The following EEF2KMT variants were observed in gnomAD, a reference collection of about 807,000 sequenced individuals.
EEF2KMT encodes the protein protein-lysine N-methyltransferase EEF2KMT.
In EEF2KMT, 30 loss-of-function variants were observed where a neutral mutation model predicts 35.1. The ratio of observed to expected loss-of-function variants is 0.85; its 90% CI spans 0.64 to 1.16. The LOEUF (loss-of-function observed/expected upper bound fraction) is 1.16, where lower values mean the gene tolerates loss of function less well. EEF2KMT is among the 50% of genes most tolerant of loss of function. The pLI is 0.00. For missense variants in EEF2KMT, 499 were observed against 438.2 expected, an observed-to-expected ratio of 1.14 and a Z score of -1.24; for synonymous variants, 190 against 187.7, an observed-to-expected ratio of 1.01 and a Z score of -0.10.
Position 5,090,169 on chromosome 16 carries a change from G to C in EEF2KMT, c.657C>G (p.Pro219=), listed in dbSNP as rs927073440. 3.1e-6 allele frequency: 5 copies of C among 1,611,638 alleles called. No individual in the cohort carries two copies. The highest frequency in any genetic ancestry group is 3.4e-6 in the Non-Finnish European group (4 of 1,179,860). The change falls in exon 6 of 8, where the codon CCC becomes CCG. Residue 219 remains proline, a synonymous_variant. Coordinates refer to ENST00000427587, the MANE Select transcript of EEF2KMT (RefSeq NM_201400.4). This position sits in a 1 kb window ranked among gnomAD's most constrained non-coding sequence, Gnocchi z 4.1. ...EADITAKLDS[P]RVTVAQLDWD... Reference sequence around the variant, plus strand: ...AGTCCAGCTGGGCCACTGTCACCCTGGGGCTGTCTAACTTGGCAGTGATGT... The same window carrying C: ...AGTCCAGCTGGGCCACTGTCACCCTCGGGCTGTCTAACTTGGCAGTGATGT...
chr16:5,097,744 T>C lies in EEF2KMT; in HGVS notation c.-5A>G, dbSNP rs1484166951. On this transcript the variant is annotated 5_prime_UTR_variant, in exon 1 of 8. Coordinates refer to ENST00000427587, the MANE Select transcript of EEF2KMT (RefSeq NM_201400.4). ...CGCGTTCTCCTCGGGCGCCATGACG[T>C]GGGCGGGGCCGCAGCGTTGCCGGCA... 1.9e-6 allele frequency: 3 copies of C among 1,555,086 alleles called. No homozygotes were observed. Among genetic ancestry groups the C allele is most frequent in the Non-Finnish European group, 2.6e-6 (3 of 1,156,084 alleles).
intron 4 of EEF2KMT, among the ~76,000 whole-genome samples, chr16:5,091,151 G>C (rs190875210): frequency 6.6e-6 from 1 of 152,214 alleles, no homozygotes; most frequent in East Asian, 1.9e-4. Context: ...GCATGATCTT[G>C]GCTCACTACA....
In EEF2KMT at chr16:5,097,684, C is replaced by G. The variant is rs1469779081; in HGVS notation, c.56G>C (p.Arg19Pro). 3.2e-6 allele frequency: 5 copies of G among 1,580,336 alleles called. No individual in the cohort carries two copies. Among genetic ancestry groups the G allele is most frequent in the Non-Finnish European group, 4.3e-6 (5 of 1,168,738 alleles). The change falls in exon 1 of 8, where the codon CGC becomes CCC. Residue 19 changes from arginine to proline, a missense_variant. Physicochemically the swap from Arg to Pro is moderately radical, Grantham distance 103. Transcript: ENST00000427587. ...TELLLQSFER[R>P]FLAARTLRSF... is the part of the protein sequence containing the mutation. ...GCGCAGTGTGCGTGCCGCCAGGAAG[C>G]GGCGCTCGAAACTCTGCAGCAAGAG...
In EEF2KMT at chr16:5,093,504, GAA is replaced by G. The variant is rs765111880; in HGVS notation, c.218_219del (p.Phe73SerfsTer21). 2 of 1,612,024 alleles carry G rather than the reference GAA, an allele frequency of 1.2e-6. No individual in the cohort carries two copies. The highest frequency in any genetic ancestry group is 1.7e-6 in the Non-Finnish European group (2 of 1,179,850). On this transcript the variant is annotated frameshift_variant, in exon 3 of 8. Coordinates refer to ENST00000427587, the MANE Select transcript of EEF2KMT (RefSeq NM_201400.4). LOFTEE classifies it high-confidence loss of function. ...HPPSVKYARC[F>X]LSELIKKHEA... ...CTGACCTTTTTGATGAGTTCTGAGA[GAA>G]AGCACCGGGCATATTTGACGGACGG...
rs1957085615 is a variant in EEF2KMT at position 5,084,676 on chromosome 16, G to T, written c.*956C>A. 1.3e-6 allele frequency: 2 copies of T among 1,592,684 alleles called. No homozygotes were observed. Among genetic ancestry groups the T allele is most frequent in the Admixed American group, 3.4e-5 (2 of 59,542 alleles). On this transcript the variant is annotated 3_prime_UTR_variant, in exon 8 of 8. Coordinates refer to ENST00000427587, the MANE Select transcript of EEF2KMT (RefSeq NM_201400.4). ...GGTTGTTGTTGGGTCGGGGACCTGG[G>T]GTCAGCCAGGTGGTGACCTGGGATG... is the stretch of plus-strand genomic sequence containing the variant.
intron 1 of EEF2KMT, 49 bp from the exon 2 acceptor site, chr16:5,095,563 A>G: frequency 6.2e-7 from 1 of 1,609,404 alleles, no homozygotes; most frequent in Admixed American, 1.7e-5. Flanking sequence ...TCACAGGAAC[A>G]TTAAACACGC....
intron 1 of EEF2KMT, chr16:5,097,255 A>G: frequency 4.6e-6 from 6 of 1,302,208 alleles, no homozygotes; most frequent in Non-Finnish European, 6.0e-6. Context: ...TGACCCGGTC[A>G]CCGCGCTCAG....
chr16:5,089,528 G>A (rs1183933837), intron 6 of EEF2KMT: 2 of 546,588 alleles, frequency 3.7e-6, no homozygotes, highest in Admixed American at 6.4e-5. Context: ...GGCCTATCTA[G>A]AGGGCTTTGA....
At chr16:5,086,473 T>C (rs1413447183) in intron 7 of EEF2KMT, 2 of 151,862 alleles carry the variant, frequency 1.3e-5, no homozygotes, top group South Asian at 2.1e-4. Flanking sequence ...TTTTGAGATA[T>C]GATCTTGTTC....
chr16:5,092,506 G>A (rs2142771752), intron 3 of EEF2KMT, among the ~76,000 whole-genome samples: 1 of 152,350 alleles, frequency 6.6e-6, no homozygotes, highest in East Asian at 1.9e-4. Flanking sequence ...GACCACAGAT[G>A]CATGCTTCTG....
At chr16:5,096,753 C>T (rs1284093458) in intron 1 of EEF2KMT, among the ~76,000 whole-genome samples, 9 of 152,180 alleles carry the variant, frequency 5.9e-5, no homozygotes, top group Non-Finnish European at 1.0e-4. Flanking sequence ...GTACCCACCT[C>T]GTGGGTGTTG....
chr16:5,094,694 C>T (rs1273541709), intron 2 of EEF2KMT, among the ~76,000 whole-genome samples: 1 of 152,014 alleles, frequency 6.6e-6, no homozygotes, highest in African/African-American at 2.4e-5. Flanking sequence ...CCTGGTATTG[C>T]CCCGAAAGTT....
chr16:5,091,740 C>G lies in EEF2KMT; in HGVS notation c.342+54G>C, dbSNP rs534492891. On this transcript the variant is annotated intron_variant, in intron 4 of 7. Transcript: ENST00000427587. ...ACCCACACCCACGTTTTCACTTTGT[C>G]TGTGCAGGAAGGGTATCTGGGCTGT... 3.2e-5 allele frequency: 51 copies of G among 1,606,946 alleles called. No homozygotes were observed. The South Asian group carries it at 4.7e-4, about 15-fold the overall frequency.
At chr16:5,089,655 G>A (rs1957298018) in intron 6 of EEF2KMT, among the ~76,000 whole-genome samples, 1 of 152,144 alleles carries the variant, frequency 6.6e-6, no homozygotes, top group Non-Finnish European at 1.5e-5. Flanking sequence ...TGGGTTTCAG[G>A]GCTGGGACCT....
intron 6 of EEF2KMT, 99 bp from the exon 7 acceptor site, chr16:5,089,355 T>A (rs1306702776): frequency 6.6e-7 from 1 of 1,506,612 alleles, no homozygotes; most frequent in Non-Finnish European, 8.9e-7. Context: ...AGCGGTCATA[T>A]GAGACTAGTA....
In EEF2KMT at chr16:5,086,201, G is replaced by A. The variant is rs1327981651; in HGVS notation, c.893-469C>T. Among the ~76,000 whole-genome samples, 3 of 152,238 alleles carry A rather than the reference G, an allele frequency of 2.0e-5. No individual in the cohort carries two copies. The East Asian group carries it at 5.8e-4, about 30-fold the overall frequency. On this transcript the variant is annotated intron_variant, in intron 7 of 7. Transcript: ENST00000427587. ...AATACAGAAATTAGCCAGGCATGATGGCGAGTGCCTGTAATCCCAGCTACT... is the reference window on the plus strand; with the variant it reads ...AATACAGAAATTAGCCAGGCATGATAGCGAGTGCCTGTAATCCCAGCTACT...
chr16:5,093,912 G>A (rs543965921), intron 2 of EEF2KMT, among the ~76,000 whole-genome samples: 184 of 152,344 alleles, frequency 1.2e-3, no homozygotes, highest in African/African-American at 4.0e-3. Context: ...TGGAAGAGGC[G>A]GGAAGGCCCA....
At chr16:5,088,489 G>A (rs1013326842) in intron 7 of EEF2KMT, among the ~76,000 whole-genome samples, 10 of 152,162 alleles carry the variant, frequency 6.6e-5, no homozygotes, top group African/African-American at 2.4e-4. Flanking sequence ...TAGTGTGGAG[G>A]CGTGAGAGCC....
chr16:5,093,124 A>G (rs1957376242), intron 3 of EEF2KMT, among the ~76,000 whole-genome samples: 1 of 152,242 alleles, frequency 6.6e-6, no homozygotes, highest in African/African-American at 2.4e-5. Context: ...CCAGAGACGG[A>G]CAAGAGCAGG....
Sources: allele counts gnomAD v4.1 joint callset (sites outside exome capture counted in the v4.1 genomes callset), GRCh38; gene constraint gnomAD v4.1.1; non-coding constraint Gnocchi (gnomAD v3.1); transcripts MANE v1.5; gene names NCBI Gene and HGNC (gene_info 2026-07-23, HGNC 2026-07-21).